TENM3: variants seen among roughly 807,000 people sequenced by gnomAD.
TENM3 encodes teneurin-3.
TENM3 carries 63 observed loss-of-function variants against 255.1 expected under a neutral mutation model. The observed-to-expected ratio is 0.25, with a 90% CI of 0.20 to 0.30. TENM3 has a LOEUF of 0.30. Among genes scored for constraint, TENM3 ranks in the 10% least tolerant of loss-of-function variants. TENM3 has a pLI of 1.00. For missense variants in TENM3, 2,929 were observed against 3,461.1 expected, an observed-to-expected ratio of 0.85 and a Z score of 3.86; for synonymous variants, 1,306 against 1,322.3, an observed-to-expected ratio of 0.99 and a Z score of 0.27.
intron 3 of TENM3, among the ~76,000 whole-genome samples, chr4:182,560,080 G>T (rs1028041156): frequency 1.7e-4 from 24 of 137,706 alleles, no homozygotes; most frequent in East Asian, 6.3e-4. Context: ...TTAAAAAAAG[G>T]TTTTTTTTTT....
the TENM3 span, among the ~76,000 whole-genome samples, chr4:181,770,859 A>G: frequency 6.6e-6 from 1 of 152,218 alleles, no homozygotes; most frequent in Admixed American, 6.5e-5. Flanking sequence ...TCAAATATCT[A>G]TTGCAAACTT....
At chr4:182,779,217 C>A (rs1018624628) in intron 24 of TENM3, among the ~76,000 whole-genome samples, 19 of 151,814 alleles carry the variant, frequency 1.3e-4, no homozygotes, top group Non-Finnish European at 2.1e-4. Flanking sequence ...CTCCCCCCAC[C>A]CCACAACAGT....
intron 4 of TENM3, among the ~76,000 whole-genome samples, chr4:182,603,713 C>G (rs1748118249): frequency 6.8e-6 from 1 of 146,156 alleles, no homozygotes; most frequent in Non-Finnish European, 1.5e-5. Flanking sequence ...AGACTTGTGT[C>G]TGCCTTTAAC....
rs113156212 is a variant in TENM3, at chr4:182,675,520, C to T, written c.1326+2301C>T. The stretch of plus-strand genomic sequence containing the variant: ...TCGTGACATTGCACTCCAGCCTGGA[C>T]GACAGGAGCAAAACTCTGTCTAGGA... On this transcript the variant is annotated intron_variant, in intron 7 of 27. Transcript: ENST00000511685. Among the ~76,000 whole-genome samples the T allele has an allele frequency of 5.3e-3, 802 of 150,064 alleles. 4 individuals carry two copies. Among genetic ancestry groups the T allele is most frequent in the African/African-American group, 0.01 (421 of 40,672 alleles).
chr4:182,609,620 T>C (rs1429453239), intron 4 of TENM3, among the ~76,000 whole-genome samples: 2 of 152,222 alleles, frequency 1.3e-5, no homozygotes, highest in African/African-American at 4.8e-5. Context: ...TACCAGAAAT[T>C]GTTCCAGTTA....
At chr4:182,426,470 T>C (rs1771236825) in intron 3 of TENM3, among the ~76,000 whole-genome samples, 1 of 152,190 alleles carries the variant, frequency 6.6e-6, no homozygotes, top group Non-Finnish European at 1.5e-5. Context: ...TGCAGATCTC[T>C]TTGCATAAAT....
At chr4:182,538,948 G>T (rs1463749511) in intron 3 of TENM3, among the ~76,000 whole-genome samples, 2 of 151,970 alleles carry the variant, frequency 1.3e-5, no homozygotes, top group Non-Finnish European at 2.9e-5. Context: ...CAGCATTCAA[G>T]TGGAGATGTC....
chr4:182,153,875 G>A (rs1750513082), intron 1 of TENM3, among the ~76,000 whole-genome samples: 1 of 152,082 alleles, frequency 6.6e-6, no homozygotes, highest in Non-Finnish European at 1.5e-5. Flanking sequence ...TGGATTGGTT[G>A]TGTAATTACC....
intron 3 of TENM3, among the ~76,000 whole-genome samples, chr4:182,482,581 A>T (rs2151522211): frequency 6.6e-6 from 1 of 152,368 alleles, no homozygotes. Context: ...AATTGAAAAT[A>T]AAATGAGAAA....
At chr4:182,290,967 C>T (rs966964928) in intron 1 of TENM3, among the ~76,000 whole-genome samples, 57 of 152,112 alleles carry the variant, frequency 3.7e-4, no homozygotes, top group Admixed American at 9.8e-4. Flanking sequence ...ATTACAGGCA[C>T]GCACCACCAC....
chr4:181,777,650 A>C, the TENM3 span, among the ~76,000 whole-genome samples: 1 of 152,132 alleles, frequency 6.6e-6, no homozygotes, highest in Non-Finnish European at 1.5e-5. Flanking sequence ...TAGTAGGTCA[A>C]TGATTATTTG....
At chr4:181,496,567 C>A in the TENM3 span, among the ~76,000 whole-genome samples, 1 of 152,118 alleles carries the variant, frequency 6.6e-6, no homozygotes, top group Non-Finnish European at 1.5e-5. Flanking sequence ...TGAGATGTAA[C>A]TTTTCAATGT....
At chr4:181,839,144 G>T in the TENM3 span, among the ~76,000 whole-genome samples, 1 of 150,322 alleles carries the variant, frequency 6.7e-6, no homozygotes, top group Non-Finnish European at 1.5e-5. Flanking sequence ...TTTAGAAATA[G>T]ATTTCTTAAT....
chr4:182,138,513 CAG>C, the TENM3 span, among the ~76,000 whole-genome samples: 22 of 152,296 alleles, frequency 1.4e-4, no homozygotes, highest in East Asian at 4.2e-3. Flanking sequence ...CAATTAGAAA[CAG>C]TCCTCCTGAG....
chr4:182,386,993 G>A (rs1461915286), intron 3 of TENM3, among the ~76,000 whole-genome samples: 1 of 152,262 alleles, frequency 6.6e-6, no homozygotes, highest in Non-Finnish European at 1.5e-5. Context: ...GGGATCCACT[G>A]GGTGAAGCCA....
At chr4:182,104,338 C>A in the TENM3 span, among the ~76,000 whole-genome samples, 1 of 152,028 alleles carries the variant, frequency 6.6e-6, no homozygotes, top group Non-Finnish European at 1.5e-5. Context: ...CTAGCCACCT[C>A]CACTCTTCTT....
chr4:182,601,256 TTTG>T lies in TENM3; in HGVS notation c.749+106_749+108del, dbSNP rs76025517. On this transcript the variant is annotated intron_variant, in intron 4 of 27. Transcript: ENST00000511685. The stretch of plus-strand genomic sequence containing the variant: ...ATATTCTGGTGTGGTGTTTTGGGGT[TTTG>T]TTGTTGTTGTGTTTTCTTTTTTCTT... 0.11 allele frequency: 107,043 copies of T among 993,226 alleles called. 10,200 individuals carry two copies. Among genetic ancestry groups the T allele is most frequent in the East Asian group, 0.45 (17,742 of 39,692 alleles). The allele number at this position is 993,226 out of a possible 1,614,324, so 61.5% of individuals were successfully genotyped here.
the TENM3 span, among the ~76,000 whole-genome samples, chr4:181,770,793 T>C: frequency 1.3e-5 from 2 of 151,774 alleles, no homozygotes; most frequent in Non-Finnish European, 2.9e-5. Context: ...ACAAACACTA[T>C]CTATGATATG....
chr4:182,132,559 G>A, the TENM3 span, among the ~76,000 whole-genome samples: 4 of 152,240 alleles, frequency 2.6e-5, no homozygotes, highest in African/African-American at 9.6e-5. Context: ...AAAGGAAGAT[G>A]AGTAAAGTTG....
Sources: gnomAD v4.1 joint callset for allele counts (sites outside exome capture counted in the v4.1 genomes callset) on GRCh38, gnomAD v4.1.1 for gene constraint, MANE v1.5 for transcripts, NCBI Gene and HGNC (gene_info 2026-07-23, HGNC 2026-07-21) for gene names.